The following MAP4K4 variants were observed in gnomAD, a reference collection of about 807,000 sequenced individuals.
MAP4K4 encodes the protein HPK/GCK-like kinase HGK.
A neutral mutation model predicts 189.6 loss-of-function variants in MAP4K4; 38 were observed. The observed-to-expected ratio is 0.20, with a 90% CI of 0.15 to 0.26. The LOEUF (loss-of-function observed/expected upper bound fraction) is 0.26, where lower values mean the gene tolerates loss of function less well. Ranked by LOEUF, MAP4K4 falls within the 10% of genes least tolerant of loss-of-function variation. The pLI is 1.00. For synonymous variants in MAP4K4, 610 were observed against 624.3 expected (o/e 0.98, Z 0.34); for missense variants, 1,054 against 1,726.9 (o/e 0.61, Z 6.91).
chr2:101,892,193 G>A (rs920684622), exon 33 of MAP4K4: 1 of 147,748 alleles, frequency 6.8e-6, no homozygotes, highest in Non-Finnish European at 1.5e-5. Context: ...CAAACCACAT[G>A]TTTATTTTTT....
intron 3 of MAP4K4, among the ~76,000 whole-genome samples, chr2:101,791,386 G>C (rs1011982861): frequency 6.6e-6 from 1 of 152,078 alleles, no homozygotes; most frequent in Non-Finnish European, 1.5e-5. Context: ...ATGTATGTGT[G>C]CCTGTGTGTG....
At chr2:101,889,889 C>G (rs931456511) in intron 32 of MAP4K4, among the ~76,000 whole-genome samples, 1 of 152,198 alleles carries the variant, frequency 6.6e-6, no homozygotes, top group Non-Finnish European at 1.5e-5. Flanking sequence ...CACTTCACCT[C>G]TACCCACTGT....
At chr2:101,702,061 A>C (rs1451517060) in intron 2 of MAP4K4, among the ~76,000 whole-genome samples, 1 of 152,042 alleles carries the variant, frequency 6.6e-6, no homozygotes, top group Admixed American at 6.5e-5. Flanking sequence ...GGTTTTCACC[A>C]TGTTGGCTAG....
At chr2:101,876,431 G>A (rs987429626) in intron 26 of MAP4K4, among the ~76,000 whole-genome samples, 1 of 152,230 alleles carries the variant, frequency 6.6e-6, no homozygotes, top group African/African-American at 2.4e-5. Flanking sequence ...CTAAGAAATG[G>A]AAGGACAAGA....
intron 21 of MAP4K4, among the ~76,000 whole-genome samples, chr2:101,868,957 A>T (rs1352244818): frequency 6.6e-6 from 1 of 152,188 alleles, no homozygotes; most frequent in East Asian, 1.9e-4. Flanking sequence ...TAAAGGGGTC[A>T]GTCCAGAAAG....
intron 3 of MAP4K4, among the ~76,000 whole-genome samples, chr2:101,798,094 T>TGA (rs1378935732): frequency 7.3e-5 from 11 of 151,292 alleles, no homozygotes; most frequent in Non-Finnish European, 1.5e-4. Context: ...TTTTTTTTTT[T>TGA]GAGAGATGGG....
chr2:101,887,358 A>C (rs924148027), intron 30 of MAP4K4, 121 bp downstream of exon 30: 7 of 996,038 alleles, frequency 7.0e-6, no homozygotes, highest in African/African-American at 1.7e-5. Flanking sequence ...TGTGGGGGTG[A>C]GTATTTAAAT....
chr2:101,813,260 A>T (rs1297992154), intron 3 of MAP4K4, among the ~76,000 whole-genome samples: 1 of 152,360 alleles, frequency 6.6e-6, no homozygotes, highest in East Asian at 1.9e-4. Flanking sequence ...TTTTAAAATT[A>T]CATTCAAGAG....
At chr2:101,716,943 A>G (rs1230402078) in intron 2 of MAP4K4, among the ~76,000 whole-genome samples, 2 of 152,210 alleles carry the variant, frequency 1.3e-5, no homozygotes, top group African/African-American at 2.4e-5. Flanking sequence ...CTTTTGGGGA[A>G]TGAGATGGAG....
chr2:101,792,408 A>G (rs920471371), intron 3 of MAP4K4, among the ~76,000 whole-genome samples: 2 of 152,104 alleles, frequency 1.3e-5, no homozygotes, highest in Non-Finnish European at 2.9e-5. Context: ...GCCGGTCAGG[A>G]TACGTCCTCT....
chr2:101,698,030 G>A (rs2035227580), exon 1 of MAP4K4: 4 of 1,249,064 alleles, frequency 3.2e-6, no homozygotes, highest in South Asian at 2.7e-5. Flanking sequence ...GAGATACACA[G>A]AGCGACAGAG....
chr2:101,851,809 T>G (rs1457697942), intron 12 of MAP4K4, among the ~76,000 whole-genome samples: 6 of 136,876 alleles, frequency 4.4e-5, no homozygotes, highest in Non-Finnish European at 7.7e-5. Flanking sequence ...ACTTGCTTAG[T>G]GGGATAGTCT....
chr2:101,699,523 A>G (rs967258926), intron 2 of MAP4K4, among the ~76,000 whole-genome samples: 1 of 152,208 alleles, frequency 6.6e-6, no homozygotes, highest in African/African-American at 2.4e-5. Context: ...GTTCTGTTAG[A>G]GTCGGTACAA....
chr2:101,827,040 A>G (rs545601833), intron 5 of MAP4K4, among the ~76,000 whole-genome samples: 2 of 152,144 alleles, frequency 1.3e-5, no homozygotes, highest in Non-Finnish European at 2.9e-5. Flanking sequence ...GCCTTCAAAG[A>G]CATCAAAGAC....
intron 27 of MAP4K4, among the ~76,000 whole-genome samples, chr2:101,880,782 C>T (rs779483502): frequency 4.3e-4 from 66 of 152,302 alleles, no homozygotes; most frequent in Non-Finnish European, 8.2e-4. Flanking sequence ...ACTGGGATTA[C>T]AGGCGTGAGC....
chr2:101,719,935 C>A (rs1255399955), intron 2 of MAP4K4, among the ~76,000 whole-genome samples: 1 of 152,026 alleles, frequency 6.6e-6, no homozygotes, highest in Non-Finnish European at 1.5e-5. Flanking sequence ...TTGCTTGTAC[C>A]TGGGAGGCGG....
intron 2 of MAP4K4, among the ~76,000 whole-genome samples, chr2:101,760,729 C>T (rs529073517): frequency 1.6e-4 from 25 of 152,060 alleles, no homozygotes; most frequent in Non-Finnish European, 2.6e-4. Flanking sequence ...GTTGGCCCGG[C>T]GCAGTGGCTC....
chr2:101,823,234 A>G (rs2096179671), intron 3 of MAP4K4, among the ~76,000 whole-genome samples: 3 of 152,164 alleles, frequency 2.0e-5, no homozygotes, highest in Admixed American at 2.0e-4. Context: ...CTTCTCACAC[A>G]AACTCTGGGT....
In MAP4K4 at chr2:101,801,283, C is replaced by T. The variant is rs546225572; in HGVS notation, c.180+10507C>T. 1.8e-3 allele frequency among the ~76,000 whole-genome samples: 278 copies of T among 152,268 alleles called. 3 individuals carry two copies. Among genetic ancestry groups the T allele is most frequent in the African/African-American group, 6.5e-3 (268 of 41,550 alleles). The stretch of plus-strand genomic sequence containing the variant: ...GATTCCAGCACATAGATGTACTCTC[C>T]GCTGTGATTTATAGCACAATGACAG... On this transcript the variant is annotated intron_variant, in intron 3 of 32. Coordinates refer to ENST00000324219, the Ensembl canonical transcript of MAP4K4.
Sources: allele counts gnomAD v4.1 joint callset (sites outside exome capture counted in the v4.1 genomes callset), GRCh38; gene constraint gnomAD v4.1.1; transcripts MANE v1.5; gene names NCBI Gene and HGNC (gene_info 2026-07-23, HGNC 2026-07-21).